The following SLC2A9 variants were observed in gnomAD, a reference collection of about 807,000 sequenced individuals.
SLC2A9 encodes solute carrier family 2, facilitated glucose transporter member 9.
SLC2A9 carries 39 observed loss-of-function variants against 50.6 expected under a neutral mutation model. The ratio of observed to expected loss-of-function variants is 0.77; its 90% CI spans 0.60 to 1.01. The LOEUF (loss-of-function observed/expected upper bound fraction) is 1.01, where lower values mean the gene tolerates loss of function less well. SLC2A9 is among the 50% of genes least tolerant of loss of function. SLC2A9 has a pLI of 0.00. For synonymous variants in SLC2A9, 324 were observed against 276.9 expected (o/e 1.17, Z -1.69); for missense variants, 686 against 677.6 (o/e 1.01, Z -0.14).
At chr4:9,908,905 T>C (rs1287305926) in intron 7 of SLC2A9, among the ~76,000 whole-genome samples, 2 of 152,202 alleles carry the variant, frequency 1.3e-5, no homozygotes, top group Non-Finnish European at 2.9e-5. Flanking sequence ...TTTTTGTTTG[T>C]CCTTCCTTCT....
chr4:10,009,739 T>C (rs1227831922), intron 2 of SLC2A9: 1 of 152,268 alleles, frequency 6.6e-6, no homozygotes, highest in Admixed American at 6.5e-5. Flanking sequence ...TAATTTATAT[T>C]GGATGGTGTG....
chr4:9,786,418 G>T (rs1719223634), intron 3 of SLC2A9, among the ~76,000 whole-genome samples: 1 of 152,174 alleles, frequency 6.6e-6, no homozygotes, highest in African/African-American at 2.4e-5. Flanking sequence ...GTCAGCAAAT[G>T]CACTAGTGCA....
At chr4:9,804,586 G>C (rs1486839541) in intron 3 of SLC2A9, among the ~76,000 whole-genome samples, 1 of 152,152 alleles carries the variant, frequency 6.6e-6, no homozygotes, top group East Asian at 1.9e-4. Flanking sequence ...CTACTGTGAT[G>C]CTGCTCCCCT....
rs529448694 is a variant in SLC2A9 at position 10,017,634 on chromosome 4, C to T, written c.249+1341G>A. On this transcript the variant is annotated intron_variant, in intron 2 of 11. Coordinates refer to ENST00000264784, the MANE Select transcript of SLC2A9 (RefSeq NM_020041.3). ...ATGGGAACCTTTGAAACTCACTGAC[C>T]CAGGCTTCCCCTATGTTTTGTACAC... Among the ~76,000 whole-genome samples, 11 of 152,372 alleles carry T rather than the reference C, an allele frequency of 7.2e-5. No homozygotes were observed. The South Asian group carries it at 1.0e-3, about 14-fold the overall frequency.
At chr4:9,911,488 G>T (rs1376394891) in intron 7 of SLC2A9, among the ~76,000 whole-genome samples, 3 of 152,158 alleles carry the variant, frequency 2.0e-5, no homozygotes, top group African/African-American at 7.2e-5. Flanking sequence ...AGTGCATCCT[G>T]CCCCGGAGCC....
chr4:9,802,747 G>A (rs1439336119), intron 3 of SLC2A9, among the ~76,000 whole-genome samples: 3 of 151,908 alleles, frequency 2.0e-5, no homozygotes. Flanking sequence ...ATTTTTAGTA[G>A]AGATGGAGTT....
At chr4:9,836,913 T>A (rs1560172496) in intron 10 of SLC2A9, among the ~76,000 whole-genome samples, 1 of 152,126 alleles carries the variant, frequency 6.6e-6, no homozygotes, top group Non-Finnish European at 1.5e-5. Context: ...AAGGTAAGCA[T>A]TGCACATACA....
intron 9 of SLC2A9, among the ~76,000 whole-genome samples, chr4:9,888,060 G>A (rs917346317): frequency 6.9e-5 from 9 of 129,764 alleles, no homozygotes; most frequent in African/African-American, 2.7e-4. Context: ...AGTGGGAGTT[G>A]AACAATGAGA....
At chr4:9,878,738 C>T (rs543273681) in intron 10 of SLC2A9, among the ~76,000 whole-genome samples, 12 of 152,156 alleles carry the variant, frequency 7.9e-5, no homozygotes, top group South Asian at 2.1e-4. Context: ...GTCAGCAGAG[C>T]AGAAGTGCCG....
intron 10 of SLC2A9, among the ~76,000 whole-genome samples, chr4:9,854,090 G>C (rs532653167): frequency 1.4e-4 from 21 of 152,020 alleles, no homozygotes; most frequent in Admixed American, 3.3e-4. Context: ...AGAGGAATTA[G>C]CAAACCAATC....
At chr4:9,936,048 T>C (rs1747010363) in intron 6 of SLC2A9, among the ~76,000 whole-genome samples, 2 of 152,176 alleles carry the variant, frequency 1.3e-5, no homozygotes, top group Non-Finnish European at 2.9e-5. Context: ...GCAGTTGTCT[T>C]ACGCTGCCTC....
chr4:9,905,102 G>A lies in SLC2A9; in HGVS notation c.1113+3133C>T, dbSNP rs145432236. 2.7e-3 allele frequency among the ~76,000 whole-genome samples: 405 copies of A among 152,278 alleles called. 4 individuals are homozygous for A. Among genetic ancestry groups the A allele is most frequent in the African/African-American group, 8.5e-3 (352 of 41,548 alleles). On this transcript the variant is annotated intron_variant, in intron 8 of 11. Transcript: ENST00000264784. ...AGGTTTGCTTTTCTCTCTAGATCAC[G>A]GCAACGTCACCTGTGACAGCTGGCA... is the stretch of plus-strand genomic sequence containing the variant.
intron 3 of SLC2A9, among the ~76,000 whole-genome samples, chr4:9,990,845 C>T (rs1212009695): frequency 6.6e-6 from 1 of 152,190 alleles, no homozygotes; most frequent in Non-Finnish European, 1.5e-5. Context: ...TCTCACTATG[C>T]TTAGAAGACT....
chr4:9,828,559 C>T (rs1363294279), intron 11 of SLC2A9, among the ~76,000 whole-genome samples: 1 of 152,162 alleles, frequency 6.6e-6, no homozygotes, highest in Non-Finnish European at 1.5e-5. Context: ...CTTTCTTTGC[C>T]CCAACTCCAC....
intron 5 of SLC2A9, among the ~76,000 whole-genome samples, chr4:9,965,280 C>T (rs1323593586): frequency 6.6e-6 from 1 of 152,224 alleles, no homozygotes; most frequent in African/African-American, 2.4e-5. Flanking sequence ...GCCCACTACA[C>T]AGCCCTGCAG....
downstream of SLC2A9, among the ~76,000 whole-genome samples, chr4:9,825,273 A>G (rs1724953221): frequency 6.6e-6 from 1 of 152,226 alleles, no homozygotes. Flanking sequence ...CAACTTTAGC[A>G]TGTAAGAGTT....
At chr4:9,803,394 GAATT>G (rs1051155261) in intron 3 of SLC2A9, among the ~76,000 whole-genome samples, 1 of 152,188 alleles carries the variant, frequency 6.6e-6, no homozygotes, top group African/African-American at 2.4e-5. Context: ...TGTGCTAAAT[GAATT>G]ATTTATTTAA....
chr4:10,036,192 G>C (rs983756709), intron 1 of SLC2A9: 3 of 152,980 alleles, frequency 2.0e-5, no homozygotes, highest in Non-Finnish European at 2.9e-5. Context: ...GGAGAACCCT[G>C]AGTAAACTAC....
At chr4:9,957,974 G>C (rs529956794) in intron 5 of SLC2A9, among the ~76,000 whole-genome samples, 3 of 152,246 alleles carry the variant, frequency 2.0e-5, no homozygotes, top group African/African-American at 7.2e-5. Context: ...ACCTATGGAA[G>C]TAATCATACA....
Sources: gnomAD v4.1 joint callset for allele counts (sites outside exome capture counted in the v4.1 genomes callset) on GRCh38, gnomAD v4.1.1 for gene constraint, MANE v1.5 for transcripts, NCBI Gene and HGNC (gene_info 2026-07-23, HGNC 2026-07-21) for gene names.